Variants in RBMS3 observed in about 807,000 individuals in gnomAD.
RBMS3 encodes the protein RNA binding motif single stranded interacting protein 3.
Under a neutral mutation model 66.8 loss-of-function variants are expected in RBMS3, and 27 were observed. That is an observed-to-expected ratio of 0.40 (90% CI 0.30 to 0.56). RBMS3 has a LOEUF of 0.56. RBMS3 is among the 20% of genes least tolerant of loss of function. The pLI, the probability that RBMS3 is intolerant of heterozygous loss-of-function variation, is 0.40. For synonymous variants in RBMS3, 188 were observed against 183.0 expected, an observed-to-expected ratio of 1.03 and a Z score of -0.22; for missense variants, 513 against 549.5, an observed-to-expected ratio of 0.93 and a Z score of 0.66.
At chr3:29,793,693 T>C (rs1405429193) in intron 6 of RBMS3, among the ~76,000 whole-genome samples, 1 of 152,242 alleles carries the variant, frequency 6.6e-6, no homozygotes, top group East Asian at 1.9e-4. Flanking sequence ...ATGTGCACAT[T>C]GCATTCTATG....
At chr3:29,503,327 CTTACCGAGAT>C (rs1281404397) in intron 3 of RBMS3, among the ~76,000 whole-genome samples, 2 of 152,092 alleles carry the variant, frequency 1.3e-5, no homozygotes, top group African/African-American at 4.8e-5. Context: ...GCCTCTAATT[CTTACCGAGAT>C]TTACCTTGTC....
rs1249013574 is a variant in RBMS3, at chr3:29,512,668, C to A, written c.307+24169C>A. 3.9e-5 allele frequency among the ~76,000 whole-genome samples: 6 copies of A among 152,028 alleles called. No individual in the cohort carries two copies. The East Asian group carries it at 1.2e-3, about 29-fold the overall frequency. ...TCAGGGAAAATAAAAACGAAATAAC[C>A]CACACCAAACAAAAAGCGGCGGTGG... On this transcript the variant is annotated intron_variant, in intron 3 of 14. Coordinates refer to ENST00000383767, the MANE Select transcript of RBMS3 (RefSeq NM_001003793.3).
intron 3 of RBMS3, among the ~76,000 whole-genome samples, chr3:29,564,115 A>G (rs904629842): frequency 2.0e-5 from 3 of 152,294 alleles, no homozygotes; most frequent in Admixed American, 2.0e-4. Flanking sequence ...CTTTTAAAAC[A>G]TATGTATGTC....
intron 4 of RBMS3, among the ~76,000 whole-genome samples, chr3:29,686,143 C>T (rs2051722279): frequency 6.6e-6 from 1 of 152,146 alleles, no homozygotes; most frequent in African/African-American, 2.4e-5. Flanking sequence ...CCAAGACTCT[C>T]TGGCCAACGT....
At chr3:29,289,400 G>A (rs569037015) in intron 1 of RBMS3, among the ~76,000 whole-genome samples, 1 of 152,000 alleles carries the variant, frequency 6.6e-6, no homozygotes, top group African/African-American at 2.4e-5. Flanking sequence ...ATGTGTAAAG[G>A]CCATTTCTAT....
chr3:29,444,306 G>A (rs1442643998), intron 2 of RBMS3, among the ~76,000 whole-genome samples: 1 of 151,984 alleles, frequency 6.6e-6, no homozygotes, highest in Non-Finnish European at 1.5e-5. Context: ...ATGACATGAA[G>A]AAGTTAAGTG....
At chr3:29,779,590 A>G (rs1478708786) in intron 6 of RBMS3, among the ~76,000 whole-genome samples, 3 of 151,078 alleles carry the variant, frequency 2.0e-5, no homozygotes, top group Non-Finnish European at 3.0e-5. Context: ...ATTTAATTCA[A>G]AAGACCTGAA....
At chr3:29,871,146 T>G (rs1192919726) in intron 7 of RBMS3, among the ~76,000 whole-genome samples, 2 of 152,160 alleles carry the variant, frequency 1.3e-5, no homozygotes, top group Non-Finnish European at 2.9e-5. Flanking sequence ...AAATTCTGGT[T>G]ACTGTATTTG....
chr3:29,296,301 G>A (rs1283745066), intron 1 of RBMS3, among the ~76,000 whole-genome samples: 1 of 151,758 alleles, frequency 6.6e-6, no homozygotes, highest in Admixed American at 6.6e-5. Flanking sequence ...AAATATTTTT[G>A]TGCTAGAACA....
chr3:29,361,304 T>G (rs2037570492), intron 1 of RBMS3, among the ~76,000 whole-genome samples: 1 of 151,526 alleles, frequency 6.6e-6, no homozygotes, highest in Admixed American at 6.5e-5. Flanking sequence ...CCTTCACTTA[T>G]GAAGCTTAGT....
intron 1 of RBMS3, among the ~76,000 whole-genome samples, chr3:29,372,399 G>T (rs1227393634): frequency 1.3e-5 from 2 of 151,848 alleles, no homozygotes; most frequent in African/African-American, 4.8e-5. Context: ...ATAATTCCGG[G>T]TTCTATTTGT....
intron 1 of RBMS3, among the ~76,000 whole-genome samples, chr3:29,333,189 G>A (rs902958214): frequency 2.0e-5 from 3 of 152,208 alleles, no homozygotes; most frequent in East Asian, 1.9e-4. Context: ...AAGGGAAAAG[G>A]TTCTGGCAAA....
At chr3:29,888,406 T>G (rs1055513037) in intron 8 of RBMS3, among the ~76,000 whole-genome samples, 5 of 151,786 alleles carry the variant, frequency 3.3e-5, no homozygotes, top group Admixed American at 2.0e-4. Context: ...TTTATTTTCT[T>G]GTCTTGCTGC....
chr3:29,847,212 G>T (rs1217603834), intron 6 of RBMS3, among the ~76,000 whole-genome samples: 1 of 152,134 alleles, frequency 6.6e-6, no homozygotes, highest in Non-Finnish European at 1.5e-5. Flanking sequence ...AGTTTATATT[G>T]AGCAAGAGGT....
At chr3:29,987,184 G>T (rs751518405) in intron 12 of RBMS3, among the ~76,000 whole-genome samples, 15 of 152,134 alleles carry the variant, frequency 9.9e-5, no homozygotes, top group Admixed American at 2.0e-4. Flanking sequence ...TATGAATTGA[G>T]AAAACTTGTC....
intron 2 of RBMS3, among the ~76,000 whole-genome samples, chr3:29,470,599 G>C (rs908236539): frequency 6.6e-6 from 1 of 151,764 alleles, no homozygotes; most frequent in East Asian, 1.9e-4. Flanking sequence ...AGGCAATATA[G>C]GCTAGCTCAA....
intron 1 of RBMS3, among the ~76,000 whole-genome samples, chr3:29,303,888 G>C (rs200481099): frequency 6.6e-6 from 1 of 151,952 alleles, no homozygotes; most frequent in South Asian, 2.1e-4. Context: ...GAGGTGAAAG[G>C]CACTTCTTAC....
chr3:29,362,156 GT>G (rs1442298971), intron 1 of RBMS3, among the ~76,000 whole-genome samples: 2 of 152,178 alleles, frequency 1.3e-5, no homozygotes, highest in Non-Finnish European at 2.9e-5. Context: ...TTTCTGTTCT[GT>G]TTTTTCCCCA....
At chr3:29,506,479 C>T (rs2044185103) in intron 3 of RBMS3, among the ~76,000 whole-genome samples, 1 of 150,568 alleles carries the variant, frequency 6.6e-6, no homozygotes, top group Non-Finnish European at 1.5e-5. Context: ...ATTTGACTTG[C>T]TAGTATTTTG....
Sources: allele counts gnomAD v4.1 joint callset (sites outside exome capture counted in the v4.1 genomes callset), GRCh38; gene constraint gnomAD v4.1.1; transcripts MANE v1.5; gene names NCBI Gene and HGNC (gene_info 2026-07-23, HGNC 2026-07-21).